The following MARCHF1 variants were observed in gnomAD, a reference collection of about 807,000 sequenced individuals.
MARCHF1 encodes membrane associated ring-CH-type finger 1, also known as E3 ubiquitin-protein ligase MARCHF1.
MARCHF1 carries 40 observed loss-of-function variants against 54.2 expected under a neutral mutation model. The observed-to-expected ratio is 0.74, with a 90% CI of 0.57 to 0.96. The LOEUF is 0.96. Among genes scored for constraint, MARCHF1 ranks in the 40% least tolerant of loss-of-function variants. The pLI, the probability that MARCHF1 is intolerant of heterozygous loss-of-function variation, is 0.00. For missense variants in MARCHF1, 586 were observed against 656.5 expected, an observed-to-expected ratio of 0.89 and a Z score of 1.17; for synonymous variants, 236 against 236.3, an observed-to-expected ratio of 1.00 and a Z score of 0.01.
intron 4 of MARCHF1, among the ~76,000 whole-genome samples, chr4:163,702,480 T>A (rs184051255): frequency 3.2e-4 from 49 of 152,298 alleles, no homozygotes; most frequent in African/African-American, 1.1e-3. Context: ...TATATTTACA[T>A]GACATTTGAG....
chr4:164,148,307 A>G (rs1049433148), intron 1 of MARCHF1, among the ~76,000 whole-genome samples: 1 of 152,134 alleles, frequency 6.6e-6, no homozygotes, highest in Non-Finnish European at 1.5e-5. Flanking sequence ...AAATCAATCA[A>G]TATCAAAATG....
chr4:163,673,526 A>G (rs1423980033), intron 5 of MARCHF1, among the ~76,000 whole-genome samples: 1 of 152,180 alleles, frequency 6.6e-6, no homozygotes, highest in African/African-American at 2.4e-5. Context: ...AACAGAAGAA[A>G]GAATCCTATT....
intron 4 of MARCHF1, among the ~76,000 whole-genome samples, chr4:163,825,716 A>G (rs1222982366): frequency 6.6e-6 from 1 of 151,910 alleles, no homozygotes; most frequent in South Asian, 2.1e-4. Flanking sequence ...ATTTTTTAAT[A>G]TAATGTTGGC....
intron 4 of MARCHF1, among the ~76,000 whole-genome samples, chr4:163,839,421 T>C (rs970974202): frequency 6.6e-6 from 1 of 152,074 alleles, no homozygotes; most frequent in African/African-American, 2.4e-5. Flanking sequence ...TTTTGAATGA[T>C]CATAGCAGGA....
chr4:163,940,388 T>C (rs1751888027), intron 3 of MARCHF1, among the ~76,000 whole-genome samples: 1 of 152,144 alleles, frequency 6.6e-6, no homozygotes, highest in Admixed American at 6.6e-5. Context: ...TATATTTATC[T>C]GTTTCTGTAA....
chr4:164,172,705 C>A lies in MARCHF1; in HGVS notation c.-322-61043G>T, dbSNP rs546844419. On this transcript the variant is annotated intron_variant, in intron 1 of 9. Coordinates refer to ENST00000514618, the MANE Select transcript of MARCHF1 (RefSeq NM_001394959.1). ...TAAAAAAGTCACTACAGGCTGGGCG[C>A]GGTGGCTCACGCCTGTAATCCCAGC... 8.5e-5 allele frequency among the ~76,000 whole-genome samples: 13 copies of A among 152,268 alleles called. No individual in the cohort carries two copies. The South Asian group carries it at 2.5e-3, about 29-fold the overall frequency.
Position 163,790,207 on chromosome 4 carries a change from G to T in MARCHF1, c.111+63814C>A, listed in dbSNP as rs77991139. On this transcript the variant is annotated intron_variant, in intron 4 of 9. Transcript: ENST00000514618. Reference sequence around the variant, plus strand: ...TGTGTTTAATGAGAACATTTAAAAAGAACTATGAAGCTTAATAGTACTTTA... The same window carrying T: ...TGTGTTTAATGAGAACATTTAAAAATAACTATGAAGCTTAATAGTACTTTA... 2.5e-3 allele frequency among the ~76,000 whole-genome samples: 385 copies of T among 152,106 alleles called. 6 individuals carry two copies. The East Asian group carries it at 0.052, about 20-fold the overall frequency.
intron 5 of MARCHF1, among the ~76,000 whole-genome samples, chr4:163,696,392 T>A (rs968245156): frequency 2.0e-5 from 3 of 152,190 alleles, no homozygotes; most frequent in African/African-American, 7.2e-5. Context: ...TTCCATTTCA[T>A]ACATACTCAT....
rs1553988877 is a variant in MARCHF1 at position 163,527,955 on chromosome 4, G to GTA, written c.*792_*793insTA. On this transcript the variant is annotated 3_prime_UTR_variant, in exon 10 of 10. Coordinates refer to ENST00000514618, the MANE Select transcript of MARCHF1 (RefSeq NM_001394959.1). ...AGGGCTACTGGGAAGTTAAATATTT[G>GTA]CATCTGTGGCCTGCATTTGTGGCTG... is the stretch of plus-strand genomic sequence containing the variant. 6.6e-6 allele frequency: 1 copy of GTA among 152,452 alleles called. No homozygotes were observed. The highest frequency in any genetic ancestry group is 1.5e-5 in the Non-Finnish European group (1 of 67,960). 9.4% of individuals were successfully genotyped at this position (152,452 alleles called of 1,614,324 possible).
At chr4:164,232,992 C>T (rs1732455135) in intron 1 of MARCHF1, among the ~76,000 whole-genome samples, 1 of 152,116 alleles carries the variant, frequency 6.6e-6, no homozygotes, top group Non-Finnish European at 1.5e-5. Flanking sequence ...CAACGCTTAC[C>T]TGTGCAAAAC....
intron 1 of MARCHF1, among the ~76,000 whole-genome samples, chr4:164,200,066 T>C (rs893426253): frequency 2.0e-5 from 3 of 152,212 alleles, no homozygotes; most frequent in Non-Finnish European, 4.4e-5. Flanking sequence ...TATCCCTTTC[T>C]ACAGAAGGAC....
chr4:164,324,625 T>TG (rs2110775669), intron 1 of MARCHF1, among the ~76,000 whole-genome samples: 1 of 151,504 alleles, frequency 6.6e-6, no homozygotes, highest in South Asian at 2.1e-4. Flanking sequence ...TAGCAAAGAG[T>TG]GAAAAACTTC....
At chr4:164,167,026 T>C (rs1350578432) in intron 1 of MARCHF1, among the ~76,000 whole-genome samples, 1 of 151,218 alleles carries the variant, frequency 6.6e-6, no homozygotes, top group Non-Finnish European at 1.5e-5. Flanking sequence ...ATGAGGGACA[T>C]TATTATTGTC....
At position 163,771,096 on chromosome 4, in the gene MARCHF1, A is replaced by G. The variant is rs1747143926; in HGVS notation, c.112-70233T>C. Among the ~76,000 whole-genome samples the G allele has an allele frequency of 2.0e-5, 3 of 152,212 alleles. No homozygotes were observed. In the South Asian group the frequency reaches 6.2e-4, roughly 31 times the overall value. ...AATAGTGACCAAATTTTGTGCTAAC[A>G]TATGTACTTTTAGTTATTCCTTTCC... On this transcript the variant is annotated intron_variant, in intron 4 of 9. Coordinates refer to ENST00000514618, the MANE Select transcript of MARCHF1 (RefSeq NM_001394959.1).
intron 1 of MARCHF1, among the ~76,000 whole-genome samples, chr4:164,254,794 C>T (rs931820867): frequency 1.3e-5 from 2 of 152,116 alleles, no homozygotes; most frequent in Non-Finnish European, 2.9e-5. Context: ...GCTTTATATT[C>T]GCTGGAAGCT....
intron 1 of MARCHF1, among the ~76,000 whole-genome samples, chr4:164,275,884 G>A (rs1733869338): frequency 6.6e-6 from 1 of 152,158 alleles, no homozygotes; most frequent in African/African-American, 2.4e-5. Context: ...TTGCCTTTTA[G>A]TTGGACTTTC....
chr4:163,532,177 A>G (rs1397746678), intron 9 of MARCHF1, among the ~76,000 whole-genome samples: 1 of 151,852 alleles, frequency 6.6e-6, no homozygotes, highest in Non-Finnish European at 1.5e-5. Context: ...TTGAAAACTG[A>G]CACTATCCTT....
At chr4:163,667,779 C>T (rs1008057925) in intron 5 of MARCHF1, among the ~76,000 whole-genome samples, 70 of 152,002 alleles carry the variant, frequency 4.6e-4, no homozygotes, top group Non-Finnish European at 7.4e-5. Flanking sequence ...GTGTGTGCCA[C>T]CACACCCAGC....
At position 163,625,992 on chromosome 4, in the gene MARCHF1, T is replaced by C. The variant is rs560322681; in HGVS notation, c.163-12599A>G. On this transcript the variant is annotated intron_variant, in intron 5 of 9. Transcript: ENST00000514618. ...GTAATTTGTTCATCCCTTTATTAGG[T>C]GTAAGATTGAAATGGGGCTGGGAAG... Among the ~76,000 whole-genome samples the C allele has an allele frequency of 1.5e-4, 23 of 152,244 alleles. No homozygotes were observed. In the South Asian group the frequency reaches 4.6e-3, roughly 30 times the overall value.
Sources: gnomAD v4.1 joint callset for allele counts (sites outside exome capture counted in the v4.1 genomes callset) on GRCh38, gnomAD v4.1.1 for gene constraint, MANE v1.5 for transcripts, NCBI Gene and HGNC (gene_info 2026-07-23, HGNC 2026-07-21) for gene names.